The following DIAPH3 variants were observed in gnomAD, a reference collection of about 807,000 sequenced individuals.
DIAPH3 encodes diaphanous related formin 3, also known as protein diaphanous homolog 3.
In DIAPH3, 117 loss-of-function variants were observed where a neutral mutation model predicts 144.3. The ratio of observed to expected loss-of-function variants is 0.81; its 90% CI spans 0.70 to 0.95. The LOEUF is 0.95. DIAPH3 is among the 40% of genes least tolerant of loss of function. DIAPH3 has a pLI of 0.00. For synonymous variants in DIAPH3, 519 were observed against 488.9 expected (o/e 1.06, Z -0.81); for missense variants, 1,421 against 1,412.7 (o/e 1.01, Z -0.09).
intron 5 of DIAPH3, among the ~76,000 whole-genome samples, chr13:60,023,118 G>T (rs761932128): frequency 6.6e-6 from 1 of 152,130 alleles, no homozygotes; most frequent in Non-Finnish European, 1.5e-5. Flanking sequence ...TGGAAAATTG[G>T]CATTAATTCT....
intron 20 of DIAPH3, 61 bp from the exon 21 acceptor site, chr13:59,879,529 G>A (rs1460403747): frequency 3.8e-6 from 6 of 1,599,024 alleles, no homozygotes; most frequent in African/African-American, 2.7e-5. Context: ...AGTACTGTAC[G>A]ACTGCAAGTA....
At chr13:59,889,502 T>C (rs1168761536) in intron 20 of DIAPH3, among the ~76,000 whole-genome samples, 4 of 152,066 alleles carry the variant, frequency 2.6e-5, no homozygotes, top group Admixed American at 2.6e-4. Flanking sequence ...ATTATGACCA[T>C]GTTTTTCTTT....
At chr13:59,861,172 T>C (rs899721389) in intron 22 of DIAPH3, 6 of 1,374,892 alleles carry the variant, frequency 4.4e-6, no homozygotes, top group Non-Finnish European at 5.7e-6. Context: ...AGGTTTAAAC[T>C]GTAAAACAAA....
intron 27 of DIAPH3, among the ~76,000 whole-genome samples, chr13:59,739,921 C>T (rs1326549797): frequency 6.6e-6 from 1 of 152,128 alleles, no homozygotes. Flanking sequence ...GCACCGACAA[C>T]TTGAATCCAC....
chr13:60,107,161 C>T (rs1422079373), intron 3 of DIAPH3, among the ~76,000 whole-genome samples: 2 of 151,992 alleles, frequency 1.3e-5, no homozygotes, highest in Middle Eastern at 3.4e-3. Flanking sequence ...AAAACATACA[C>T]TGAAGTATTA....
intron 27 of DIAPH3, among the ~76,000 whole-genome samples, chr13:59,699,447 C>T (rs1403609599): frequency 6.6e-6 from 1 of 152,142 alleles, no homozygotes; most frequent in African/African-American, 2.4e-5. Flanking sequence ...GATGGTTTGG[C>T]CCTTGGTCTC....
At chr13:59,951,994 A>C (rs1426235529) in intron 17 of DIAPH3, among the ~76,000 whole-genome samples, 1 of 152,216 alleles carries the variant, frequency 6.6e-6, no homozygotes, top group Admixed American at 6.6e-5. Context: ...AATAGCCAAA[A>C]GGCAGAATCA....
At chr13:60,105,087 G>A (rs2058374370) in intron 3 of DIAPH3, among the ~76,000 whole-genome samples, 2 of 65,736 alleles carry the variant, frequency 3.0e-5, no homozygotes, top group Non-Finnish European at 5.1e-5. Context: ...GCGACAAAGT[G>A]AGACACGATC....
intron 6 of DIAPH3, 30 bp from the exon 7 acceptor site, chr13:60,016,012 G>A: frequency 6.2e-7 from 1 of 1,610,392 alleles, no homozygotes; most frequent in Non-Finnish European, 8.5e-7. Flanking sequence ...AGCAGTGTTG[G>A]AATTATAATT....
intron 27 of DIAPH3, among the ~76,000 whole-genome samples, chr13:59,715,156 A>T (rs1163083817): frequency 6.6e-6 from 1 of 152,148 alleles, no homozygotes; most frequent in Non-Finnish European, 1.5e-5. Flanking sequence ...GTTACCATTT[A>T]TGATGTAACC....
intron 2 of DIAPH3, among the ~76,000 whole-genome samples, chr13:60,115,695 T>G (rs1355829922): frequency 6.6e-6 from 1 of 152,176 alleles, no homozygotes; most frequent in Non-Finnish European, 1.5e-5. Flanking sequence ...ATAATAGATT[T>G]GTAAATGTTT....
chr13:59,724,395 C>T (rs2035505329), intron 27 of DIAPH3, among the ~76,000 whole-genome samples: 1 of 152,082 alleles, frequency 6.6e-6, no homozygotes, highest in Non-Finnish European at 1.5e-5. Flanking sequence ...AAAGAATGAG[C>T]TCAGTATGGG....
chr13:60,129,321 C>T (rs534993262), intron 2 of DIAPH3, among the ~76,000 whole-genome samples: 2 of 152,198 alleles, frequency 1.3e-5, no homozygotes, highest in East Asian at 3.9e-4. Flanking sequence ...ATTTATTCAC[C>T]TTTATTTATT....
At chr13:59,979,031 A>G (rs558195669) in intron 14 of DIAPH3, among the ~76,000 whole-genome samples, 2 of 151,850 alleles carry the variant, frequency 1.3e-5, no homozygotes, top group Non-Finnish European at 3.0e-5. Flanking sequence ...ATGTGTCCTT[A>G]TAAAACTATC....
chr13:60,159,005 A>G (rs2138466911), intron 1 of DIAPH3, among the ~76,000 whole-genome samples: 1 of 151,216 alleles, frequency 6.6e-6, no homozygotes, highest in African/African-American at 2.4e-5. Flanking sequence ...AGGAGTGTCT[A>G]CCTTTCAGAA....
intron 2 of DIAPH3, among the ~76,000 whole-genome samples, chr13:60,115,576 C>G (rs1471759148): frequency 6.6e-6 from 1 of 152,112 alleles, no homozygotes; most frequent in Admixed American, 6.5e-5. Flanking sequence ...TAGTTTAATA[C>G]TGCATCTTTA....
chr13:59,997,702 C>T (rs1356282526), intron 9 of DIAPH3, among the ~76,000 whole-genome samples: 3 of 151,974 alleles, frequency 2.0e-5, no homozygotes, highest in Admixed American at 6.6e-5. Flanking sequence ...TTCCAAAGGC[C>T]GACAGAGCAG....
At chr13:59,875,122 C>T (rs555755217) in intron 21 of DIAPH3, among the ~76,000 whole-genome samples, 2 of 152,068 alleles carry the variant, frequency 1.3e-5, no homozygotes, top group Admixed American at 1.3e-4. Flanking sequence ...CAGATACAAA[C>T]TTTTCTAGGT....
chr13:59,912,404 T>A lies in DIAPH3; in HGVS notation c.2266-568A>T, dbSNP rs188010486. Among the ~76,000 whole-genome samples the A allele has an allele frequency of 9.6e-3, 1,465 of 152,140 alleles. 20 individuals are homozygous for A. The highest frequency in any genetic ancestry group is 0.033 in the African/African-American group (1,363 of 41,526). ...CTAACTTTTCTGATGTGAAAGAAAA[T>A]TTTAAAAGGTGTTGAAGACACATGA... On this transcript the variant is annotated intron_variant, in intron 19 of 27. Transcript: ENST00000400324.
Sources: allele counts gnomAD v4.1 joint callset (sites outside exome capture counted in the v4.1 genomes callset), GRCh38; gene constraint gnomAD v4.1.1; transcripts MANE v1.5; gene names NCBI Gene and HGNC (gene_info 2026-07-23, HGNC 2026-07-21).